Variants in GARNL3 observed in about 807,000 individuals in gnomAD.
GARNL3 encodes the protein GTPase-activating Rap/Ran-GAP domain-like protein 3.
Under a neutral mutation model 125.0 loss-of-function variants are expected in GARNL3, and 63 were observed. The observed-to-expected ratio is 0.50, with a 90% CI of 0.41 to 0.62. The LOEUF (loss-of-function observed/expected upper bound fraction) is 0.62, where lower values mean the gene tolerates loss of function less well. Among genes scored for constraint, GARNL3 ranks in the 20% least tolerant of loss-of-function variants. The pLI is 0.00. For synonymous variants in GARNL3, 439 were observed against 457.5 expected, an observed-to-expected ratio of 0.96 and a Z score of 0.52; for missense variants, 994 against 1,244.0, an observed-to-expected ratio of 0.80 and a Z score of 3.02.
intron 13 of GARNL3, 109 bp from the exon 14 acceptor site, chr9:127,342,110 A>G (rs977636165): frequency 3.9e-6 from 3 of 764,378 alleles, no homozygotes; most frequent in Non-Finnish European, 6.6e-6. Flanking sequence ...AAACAAAAAA[A>G]TTCCTAGATT....
intron 20 of GARNL3, among the ~76,000 whole-genome samples, chr9:127,356,117 G>T (rs1346834281): frequency 2.0e-5 from 3 of 152,246 alleles, no homozygotes; most frequent in African/African-American, 7.2e-5. Context: ...GACTCTGAGT[G>T]AGATGGGAAA....
intron 7 of GARNL3, among the ~76,000 whole-genome samples, chr9:127,330,205 A>G (rs1413644647): frequency 6.6e-6 from 1 of 152,212 alleles, no homozygotes; most frequent in Non-Finnish European, 1.5e-5. Context: ...TTCCTGCACT[A>G]TTATTCTAAG....
At chr9:127,225,804 C>CGG (rs1211369032) in intron 1 of GARNL3, among the ~76,000 whole-genome samples, 17 of 143,126 alleles carry the variant, frequency 1.2e-4, no homozygotes, top group East Asian at 1.0e-3. Context: ...CTCCGCGGCC[C>CGG]CCGCGCCCCT....
At chr9:127,324,694 A>T (rs983514130) in intron 6 of GARNL3, among the ~76,000 whole-genome samples, 6 of 152,216 alleles carry the variant, frequency 3.9e-5, no homozygotes, top group African/African-American at 1.4e-4. Context: ...TCCGTTGTGT[A>T]CCAGGTCTTC....
chr9:127,271,378 G>T (rs1447216511), intron 1 of GARNL3, among the ~76,000 whole-genome samples: 1 of 150,304 alleles, frequency 6.7e-6, no homozygotes, highest in Non-Finnish European at 1.5e-5. Flanking sequence ...ATGAATGAAT[G>T]ATCCCATTTG....
At chr9:127,390,286 C>T (rs995586160) in intron 26 of GARNL3, among the ~76,000 whole-genome samples, 10 of 152,212 alleles carry the variant, frequency 6.6e-5, no homozygotes, top group African/African-American at 2.4e-4. Flanking sequence ...TTAATGCAGC[C>T]TTCCATATCA....
intron 2 of GARNL3, among the ~76,000 whole-genome samples, chr9:127,249,850 A>G (rs1201423729): frequency 2.0e-5 from 3 of 152,076 alleles, no homozygotes; most frequent in Non-Finnish European, 4.4e-5. Flanking sequence ...TCTACTAAAA[A>G]TACAAAAAAT....
intron 2 of GARNL3, among the ~76,000 whole-genome samples, chr9:127,243,535 C>G (rs1377806479): frequency 6.6e-6 from 1 of 152,156 alleles, no homozygotes; most frequent in Non-Finnish European, 1.5e-5. Context: ...AGCCATTACT[C>G]AAATAATCAC....
intron 21 of GARNL3, chr9:127,362,666 G>C (rs1472105856): frequency 6.6e-6 from 1 of 152,420 alleles, no homozygotes; most frequent in African/African-American, 2.4e-5. Context: ...TGAGGAGGAA[G>C]GGATTTTAAG....
In GARNL3 at chr9:127,387,156, A is replaced by T. The variant is rs1431605728; in HGVS notation, c.2389-37A>T. 5 of 1,595,808 alleles carry T rather than the reference A, an allele frequency of 3.1e-6. No individual in the cohort carries two copies. In the Admixed American group the frequency reaches 8.6e-5, roughly 27 times the overall value. On this transcript the variant is annotated intron_variant, in intron 24 of 27. Transcript: ENST00000373387. The stretch of plus-strand genomic sequence containing the variant: ...GGCCAGTGGATGCAAGGCCTAGAAC[A>T]CCAGGCAGCCCGGTAATGCTCTCTC...
chr9:127,262,504 G>A (rs1204207983), upstream of GARNL3, among the ~76,000 whole-genome samples: 3 of 152,178 alleles, frequency 2.0e-5, no homozygotes, highest in African/African-American at 7.2e-5. Flanking sequence ...ATATTGTCTT[G>A]GCCAGAGCTC....
At chr9:127,308,244 T>TA (rs1270391699) in intron 2 of GARNL3, among the ~76,000 whole-genome samples, 2 of 152,164 alleles carry the variant, frequency 1.3e-5, no homozygotes, top group Non-Finnish European at 2.9e-5. Context: ...AAACCTCACT[T>TA]ACATGGTATT....
chr9:127,239,057 C>T (rs1046273274), intron 1 of GARNL3, among the ~76,000 whole-genome samples: 2 of 152,198 alleles, frequency 1.3e-5, no homozygotes, highest in African/African-American at 4.8e-5. Flanking sequence ...ATCAGTCCAC[C>T]CAATTACCTG....
rs181118058 is a variant in GARNL3 at position 127,245,821 on chromosome 9, C to T, written c.143+2572C>T. Reference sequence around the variant, plus strand: ...GAGGCCCAGCCTTTTCTGGGACGCACCGCTTGGAAGTGACAGAACAGGGAT... The same window carrying T: ...GAGGCCCAGCCTTTTCTGGGACGCATCGCTTGGAAGTGACAGAACAGGGAT... On this transcript the variant is annotated intron_variant, in intron 2 of 10. Coordinates refer to the GARNL3 transcript ENST00000439286. Among the ~76,000 whole-genome samples, 6 of 152,324 alleles carry T rather than the reference C, an allele frequency of 3.9e-5. No homozygotes were observed. In the East Asian group the frequency reaches 9.6e-4, roughly 24 times the overall value.
At chr9:127,344,123 A>G (rs763425679) in intron 14 of GARNL3, 112 bp from the exon 15 acceptor site, 6 of 740,442 alleles carry the variant, frequency 8.1e-6, no homozygotes, top group Non-Finnish European at 1.4e-5. Flanking sequence ...AGTGAATGAA[A>G]CAGAAGGTAG....
At chr9:127,281,410 C>T (rs2131333203) in intron 1 of GARNL3, among the ~76,000 whole-genome samples, 1 of 152,256 alleles carries the variant, frequency 6.6e-6, no homozygotes, top group East Asian at 1.9e-4. Context: ...AGTCCAGATC[C>T]AGGGCCTTGG....
rs748908152 is a variant in GARNL3 at position 127,344,390 on chromosome 9, A to G, written c.1356+51A>G. The G allele has an allele frequency of 8.9e-6, 11 of 1,241,086 alleles. No individual in the cohort carries two copies. In the African/African-American group the frequency reaches 1.5e-4, roughly 17 times the overall value. The allele number at this position is 1,241,086 out of a possible 1,614,324, so 76.9% of individuals were successfully genotyped here. ...TGCGAGACATGTAGTTTTGAGTTCC[A>G]TCCTAACCAGATGGCCCATGTGCAA... is the stretch of plus-strand genomic sequence containing the variant. On this transcript the variant is annotated intron_variant, in intron 15 of 27. Coordinates refer to ENST00000373387, the MANE Select transcript of GARNL3 (RefSeq NM_032293.5).
At chr9:127,279,733 A>AT (rs2064055203) in intron 1 of GARNL3, among the ~76,000 whole-genome samples, 1 of 151,694 alleles carries the variant, frequency 6.6e-6, no homozygotes, top group African/African-American at 2.4e-5. Flanking sequence ...TATGTGTAGC[A>AT]TTTTTTCATA....
At chr9:127,278,832 A>G (rs928445390) in intron 1 of GARNL3, among the ~76,000 whole-genome samples, 2 of 152,040 alleles carry the variant, frequency 1.3e-5, no homozygotes, top group Admixed American at 6.6e-5. Context: ...TGCGGCGGCA[A>G]TCCTTAACCC....
Sources: allele counts gnomAD v4.1 joint callset (sites outside exome capture counted in the v4.1 genomes callset), GRCh38; gene constraint gnomAD v4.1.1; transcripts MANE v1.5; gene names NCBI Gene and HGNC (gene_info 2026-07-23, HGNC 2026-07-21).